AOPEP: variants seen among roughly 807,000 people sequenced by gnomAD.
The protein encoded by AOPEP is aminopeptidase O.
In AOPEP, 77 loss-of-function variants were observed where a neutral mutation model predicts 98.1. The observed-to-expected ratio is 0.78, with a 90% confidence interval of 0.65 to 0.95. AOPEP has a LOEUF of 0.95. AOPEP is among the 40% of genes least tolerant of loss of function. AOPEP has a pLI of 0.00. For synonymous variants in AOPEP, 346 were observed against 365.3 expected, an observed-to-expected ratio of 0.95 and a Z score of 0.60; for missense variants, 1,024 against 1,024.7, an observed-to-expected ratio of 1.00 and a Z score of 0.01.
chr9:94,861,603 G>A (rs924979185), intron 5 of AOPEP, among the ~76,000 whole-genome samples: 3 of 152,226 alleles, frequency 2.0e-5, no homozygotes, highest in African/African-American at 7.2e-5. Context: ...CCACCAGGCT[G>A]CCAGGGGTGG....
chr9:94,860,456 T>C (rs1161420922), intron 5 of AOPEP, among the ~76,000 whole-genome samples: 2 of 152,016 alleles, frequency 1.3e-5, no homozygotes, highest in Non-Finnish European at 2.9e-5. Context: ...ATTGCTCAGG[T>C]TTCTGGTTCT....
At chr9:94,887,881 T>C (rs2048416548) in intron 5 of AOPEP, among the ~76,000 whole-genome samples, 1 of 152,182 alleles carries the variant, frequency 6.6e-6, no homozygotes, top group South Asian at 2.1e-4. Flanking sequence ...AACAAGCCTC[T>C]ACAGAAATTC....
chr9:95,017,284 A>G (rs1008596784), intron 13 of AOPEP, among the ~76,000 whole-genome samples: 10 of 152,270 alleles, frequency 6.6e-5, no homozygotes, highest in African/African-American at 2.4e-4. Context: ...TGGTGATTTC[A>G]TCATGGTGAG....
the AOPEP span, chr9:95,125,035 A>C: frequency 2.1e-5 from 31 of 1,483,034 alleles, no homozygotes; most frequent in Non-Finnish European, 2.6e-5. Context: ...AATACTCTCA[A>C]CAGCGTCTTA....
intron 13 of AOPEP, among the ~76,000 whole-genome samples, chr9:95,026,587 T>C (rs573364888): frequency 1.4e-4 from 22 of 152,340 alleles, no homozygotes; most frequent in African/African-American, 4.8e-4. Context: ...TATCTGTCTG[T>C]TCACCAGTTG....
chr9:94,988,200 G>A (rs2060640577), intron 11 of AOPEP, among the ~76,000 whole-genome samples: 1 of 152,188 alleles, frequency 6.6e-6, no homozygotes, highest in Admixed American at 6.5e-5. Flanking sequence ...AGTGGGCTGA[G>A]GAACGCCTAT....
At chr9:95,005,431 G>C (rs555575378) in intron 12 of AOPEP, 111 bp from the exon 13 acceptor site, 20 of 1,147,654 alleles carry the variant, frequency 1.7e-5, no homozygotes, top group Non-Finnish European at 2.5e-5. Context: ...GGCCTCCCGA[G>C]GTGCGGGGAA....
chr9:94,878,140 A>G (rs2047176250), intron 5 of AOPEP, among the ~76,000 whole-genome samples: 1 of 151,902 alleles, frequency 6.6e-6, no homozygotes, highest in Admixed American at 6.6e-5. Flanking sequence ...ATTTTCCTGT[A>G]GGAAAAAGGA....
At chr9:95,126,613 A>G in the AOPEP span, 11 of 1,608,946 alleles carry the variant, frequency 6.8e-6, no homozygotes, top group Non-Finnish European at 9.4e-6. Flanking sequence ...AGAATGTGAA[A>G]TATCACAAGC....
chr9:94,836,827 G>C (rs950948010), intron 5 of AOPEP, among the ~76,000 whole-genome samples: 5 of 152,030 alleles, frequency 3.3e-5, no homozygotes, highest in African/African-American at 1.2e-4. Flanking sequence ...TGTTACAGTT[G>C]TATGCTTTAT....
intron 10 of AOPEP, among the ~76,000 whole-genome samples, chr9:94,977,898 C>T (rs979600883): frequency 6.6e-6 from 1 of 152,236 alleles, no homozygotes; most frequent in African/African-American, 2.4e-5. Flanking sequence ...TGCATAAGCC[C>T]TCTTTCCCTC....
Position 95,086,853 on chromosome 9 carries a change from C to T in AOPEP, c.*176C>T. On this transcript the variant is annotated 3_prime_UTR_variant, in exon 17 of 17. Coordinates refer to ENST00000375315, the MANE Select transcript of AOPEP (RefSeq NM_001193329.3). Reference sequence around the variant, plus strand: ...CAGAGGCTGGTCCCAGCCAGGCACACACAAAAGGCAGATTCTCGTAAACGC... The same window carrying T: ...CAGAGGCTGGTCCCAGCCAGGCACATACAAAAGGCAGATTCTCGTAAACGC... 1 of 987,990 alleles carries T rather than the reference C, an allele frequency of 1.0e-6. No homozygotes were observed. The highest frequency in any genetic ancestry group is 1.2e-6 in the Non-Finnish European group (1 of 830,126). The allele number at this position is 987,990 out of a possible 1,614,324, so 61.2% of individuals were successfully genotyped here.
intron 7 of AOPEP, among the ~76,000 whole-genome samples, chr9:94,945,973 A>T (rs1453617948): frequency 6.6e-6 from 1 of 152,160 alleles, no homozygotes; most frequent in Non-Finnish European, 1.5e-5. Context: ...TGATCACCTT[A>T]ACCCTGATAG....
At chr9:95,068,336 G>A (rs1409080424) in intron 14 of AOPEP, among the ~76,000 whole-genome samples, 1 of 134,864 alleles carries the variant, frequency 7.4e-6, no homozygotes. Flanking sequence ...CTTGTTGTCC[G>A]TCTTTTTTAT....
At chr9:95,065,377 T>C (rs1232542008) in intron 14 of AOPEP, 1 of 152,282 alleles carries the variant, frequency 6.6e-6, no homozygotes, top group Non-Finnish European at 1.5e-5. Context: ...CCAGGGCCTC[T>C]GCCCCGTAGG....
chr9:95,046,214 C>T (rs1303675014), intron 13 of AOPEP, among the ~76,000 whole-genome samples: 1 of 152,212 alleles, frequency 6.6e-6, no homozygotes, highest in Non-Finnish European at 1.5e-5. Flanking sequence ...GAAATACTCT[C>T]AAGACCTTTT....
intron 5 of AOPEP, among the ~76,000 whole-genome samples, chr9:94,816,771 A>G (rs1851788016): frequency 6.6e-6 from 1 of 152,038 alleles, no homozygotes; most frequent in African/African-American, 2.4e-5. Context: ...TATGAGAGGT[A>G]TATTCCCAAA....
chr9:94,888,293 CCG>C (rs1491134173), intron 5 of AOPEP, among the ~76,000 whole-genome samples: 14 of 35,614 alleles, frequency 3.9e-4, no homozygotes, highest in African/African-American at 1.0e-3. Flanking sequence ...AAGAACCTTA[CCG>C]TGTGTGTGTG....
chr9:94,772,927 C>T (rs755981415), intron 2 of AOPEP, 75 bp from the exon 3 acceptor site: 26 of 1,397,864 alleles, frequency 1.9e-5, no homozygotes, highest in Non-Finnish European at 2.4e-5. Flanking sequence ...TTAACCTGCA[C>T]TACCATACTG....
Sources: allele counts gnomAD v4.1 joint callset (sites outside exome capture counted in the v4.1 genomes callset), GRCh38; gene constraint gnomAD v4.1.1; transcripts MANE v1.5; gene names NCBI Gene and HGNC (gene_info 2026-07-23, HGNC 2026-07-21).